Variants in SPINK1 observed in about 807,000 individuals in gnomAD.
SPINK1 encodes the protein serine peptidase inhibitor Kazal type 1, also known as serine protease inhibitor Kazal-type 1.
A neutral mutation model predicts 9.5 loss-of-function variants in SPINK1; 5 were observed. That is an observed-to-expected ratio of 0.52 (90% confidence interval 0.27 to 1.10). The LOEUF (loss-of-function observed/expected upper bound fraction) is 1.10, where lower values mean the gene tolerates loss of function less well. Among genes scored for constraint, SPINK1 ranks in the 50% least tolerant of loss-of-function variants. The pLI, the probability that SPINK1 is intolerant of heterozygous loss-of-function variation, is 0.11. For synonymous variants in SPINK1, 37 were observed against 32.3 expected, an observed-to-expected ratio of 1.14 and a Z score of -0.49; for missense variants, 88 against 92.7, an observed-to-expected ratio of 0.95 and a Z score of 0.21.
chr5:147,832,124 G>A (rs866787967), upstream of SPINK1, among the ~76,000 whole-genome samples: 9 of 152,072 alleles, frequency 5.9e-5, no homozygotes, highest in Admixed American at 2.0e-4. Flanking sequence ...CTGATGGAGT[G>A]GCAGATGAGA....
rs549967758 is a variant in SPINK1 at position 147,825,120 on chromosome 5, G to A, written c.195-414C>T. ...GATTGACCTTTCATCTTAGAGCTCTGGGGATTCGTATCTGTGAGGTCTCAC... is the reference window on the plus strand; with the variant it reads ...GATTGACCTTTCATCTTAGAGCTCTAGGGATTCGTATCTGTGAGGTCTCAC... On this transcript the variant is annotated intron_variant, in intron 3 of 3. Transcript: ENST00000296695. Among the ~76,000 whole-genome samples the A allele has an allele frequency of 1.3e-3, 198 of 152,192 alleles. 1 individual carries two copies. The highest frequency in any genetic ancestry group is 6.8e-3 in the Middle Eastern group (2 of 294).
At chr5:147,831,767 A>G, upstream of SPINK1, 2 of 1,442,870 alleles carry the variant, frequency 1.4e-6, no homozygotes, top group Non-Finnish European at 1.8e-6. Flanking sequence ...TGGGAATGTC[A>G]CCTGTGTAAG....
chr5:147,837,671 T>TTCTTTCTTTCTTTC, the SPINK1 span, among the ~76,000 whole-genome samples: 1 of 142,496 alleles, frequency 7.0e-6, no homozygotes, highest in African/African-American at 2.6e-5. Context: ...CTTTCTTTCT[T>TTCTTTCTTTCTTTC]TCTTTCTTTC....
At chr5:147,831,419 T>C in intron 1 of SPINK1, 104 bp downstream of exon 1, 4 of 1,441,984 alleles carry the variant, frequency 2.8e-6, no homozygotes, top group Non-Finnish European at 2.9e-6. Context: ...GTCCAAAACA[T>C]CTCTCGAAGA....
In SPINK1 at chr5:147,831,664, T is replaced by A. The variant is rs968598420; in HGVS notation, c.-87A>T. 6.3e-7 allele frequency: 1 copy of A among 1,580,476 alleles called. No individual in the cohort carries two copies. The highest frequency in any genetic ancestry group is 1.4e-5 in the African/African-American group (1 of 73,698). ...GAAGCCTGGGACTGGAAGGGTCATA[T>A]GGCAGATGGCAGCAAGGCCCCACCT... On this transcript the variant is annotated 5_prime_UTR_variant, in exon 1 of 4. Transcript: ENST00000296695.
At chr5:147,833,268 A>C (rs1373897402), upstream of SPINK1, among the ~76,000 whole-genome samples, 1 of 152,172 alleles carries the variant, frequency 6.6e-6, no homozygotes, top group African/African-American at 2.4e-5. Flanking sequence ...GAGATGAAAT[A>C]ATGGAAGCAG....
Position 147,828,054 on chromosome 5 carries a change from A to G in SPINK1, c.162T>C (p.Tyr54=), listed in dbSNP as rs778375105. ...DPVCGTDGNT[Y]PNECVLCFEN... ...CAAAACATAACACGCATTCATTGGG[A>G]TAAGTATTTCCATCAGTCCCACAGA... Residue 54 remains tyrosine, a synonymous_variant, in exon 3 of 4, where the codon TAT becomes TAC. Transcript: ENST00000296695. The G allele has an allele frequency of 6.2e-6, 10 of 1,613,438 alleles. No homozygotes were observed. The African/African-American group carries it at 9.3e-5, about 15-fold the overall frequency.
upstream of SPINK1, among the ~76,000 whole-genome samples, chr5:147,833,310 A>G (rs771198193): frequency 2.0e-4 from 30 of 152,178 alleles, no homozygotes; most frequent in Non-Finnish European, 4.1e-4. Flanking sequence ...GTCTAGAGTA[A>G]GGACTTTGGT....
chr5:147,839,112 G>T, the SPINK1 span, among the ~76,000 whole-genome samples: 1 of 152,198 alleles, frequency 6.6e-6, no homozygotes, highest in Non-Finnish European at 1.5e-5. Flanking sequence ...CCACATGGCT[G>T]GGGAGGCCTC....
Position 147,831,512 on chromosome 5 carries a change from G to A in SPINK1, c.55+11C>T. ...AGTTTTATTTAAATTTGAAAAATATGCAACACTTACCAGATAGACTCAACA... is the reference window on the plus strand; with the variant it reads ...AGTTTTATTTAAATTTGAAAAATATACAACACTTACCAGATAGACTCAACA... On this transcript the variant is annotated intron_variant, in intron 1 of 3. Coordinates refer to ENST00000296695, the MANE Select transcript of SPINK1 (RefSeq NM_001379610.1). The A allele has an allele frequency of 1.2e-6, 2 of 1,613,200 alleles. No individual in the cohort carries two copies. Among genetic ancestry groups the A allele is most frequent in the Non-Finnish European group, 1.7e-6 (2 of 1,179,712 alleles).
At chr5:147,829,471 G>A (rs11960240) in intron 2 of SPINK1, 128 bp downstream of exon 2, 25 of 856,278 alleles carry the variant, frequency 2.9e-5, no homozygotes, top group Admixed American at 7.7e-5. Context: ...CATTTCTCAC[G>A]TTAACCCTCC....
chr5:147,833,307 G>A (rs1472580782), upstream of SPINK1, among the ~76,000 whole-genome samples: 1 of 152,176 alleles, frequency 6.6e-6, no homozygotes, highest in East Asian at 1.9e-4. Context: ...GCAGTCTAGA[G>A]TAAGGACTTT....
chr5:147,839,018 A>G, the SPINK1 span, among the ~76,000 whole-genome samples: 2 of 152,098 alleles, frequency 1.3e-5, no homozygotes, highest in African/African-American at 2.4e-5. Context: ...TAGTCACTGG[A>G]TTAGTCTGCT....
the SPINK1 span, among the ~76,000 whole-genome samples, chr5:147,838,218 G>C: frequency 1.3e-5 from 2 of 152,168 alleles, no homozygotes; most frequent in Non-Finnish European, 2.9e-5. Context: ...ATCCAGTTGA[G>C]AAACGTGTTT....
chr5:147,837,811 C>T, the SPINK1 span, among the ~76,000 whole-genome samples: 41 of 151,954 alleles, frequency 2.7e-4, no homozygotes, highest in African/African-American at 7.2e-4. Flanking sequence ...AAGTGATTCT[C>T]CTGCCTCAGC....
In SPINK1 at chr5:147,824,640, G is replaced by A; in HGVS notation, c.*21C>T. ...CAGTCAGGCCTCGCGGTGACCTGAT[G>A]GGATTTCAAAACCTTGGTTCTCAGC... On this transcript the variant is annotated 3_prime_UTR_variant, in exon 4 of 4. Transcript: ENST00000296695. 3 of 1,613,434 alleles carry A rather than the reference G, an allele frequency of 1.9e-6. No homozygotes were observed. Among genetic ancestry groups the A allele is most frequent in the Non-Finnish European group, 2.5e-6 (3 of 1,179,494 alleles).
intron 1 of SPINK1, 51 bp downstream of exon 1, chr5:147,831,472 G>A: frequency 1.2e-6 from 2 of 1,608,962 alleles, no homozygotes; most frequent in Non-Finnish European, 1.7e-6. Flanking sequence ...GCTTCACAAA[G>A]CAACAGGTCA....
At chr5:147,825,100 A>C (rs968027389) in intron 3 of SPINK1, among the ~76,000 whole-genome samples, 2 of 152,108 alleles carry the variant, frequency 1.3e-5, no homozygotes, top group Non-Finnish European at 2.9e-5. Flanking sequence ...TAATTGATTG[A>C]CCTTTCATCT....
At chr5:147,828,161 T>G (rs1413199387) in intron 2 of SPINK1, 33 bp from the exon 3 acceptor site, 1 of 1,525,410 alleles carries the variant, frequency 6.6e-7, no homozygotes, top group Admixed American at 1.7e-5. Flanking sequence ...TCATTTCCCA[T>G]TATTCTCCAT....
Sources: allele counts gnomAD v4.1 joint callset (sites outside exome capture counted in the v4.1 genomes callset), GRCh38; gene constraint gnomAD v4.1.1; transcripts MANE v1.5; gene names NCBI Gene and HGNC (gene_info 2026-07-23, HGNC 2026-07-21).